Variants in BLNK observed in about 807,000 individuals in gnomAD.
The protein encoded by BLNK is B-cell linker protein.
In BLNK, 29 loss-of-function variants were observed where a neutral mutation model predicts 73.5. That is an observed-to-expected ratio of 0.39 (90% CI 0.29 to 0.54). BLNK has a LOEUF of 0.54. BLNK is among the 20% of genes least tolerant of loss of function. The probability of loss-of-function intolerance (pLI) is 0.61; values close to 1 mark genes in which losing one functional copy is unlikely to be tolerated. For synonymous variants in BLNK, 176 were observed against 200.8 expected (o/e 0.88, Z 1.04); for missense variants, 460 against 562.8 (o/e 0.82, Z 1.85).
chr10:96,237,444 C>T (rs964369465), intron 3 of BLNK, among the ~76,000 whole-genome samples: 1 of 152,178 alleles, frequency 6.6e-6, no homozygotes, highest in Non-Finnish European at 1.5e-5. Flanking sequence ...AGGAGTCACA[C>T]GTGGACCTCC....
chr10:96,242,993 G>A (rs1842926647), intron 2 of BLNK, among the ~76,000 whole-genome samples: 1 of 152,204 alleles, frequency 6.6e-6, no homozygotes, highest in South Asian at 2.1e-4. Context: ...CCCAGTGCAT[G>A]CACAATGTGG....
At chr10:96,199,896 C>T in intron 15 of BLNK, 179 bp downstream of exon 15, 1 of 328,676 alleles carries the variant, frequency 3.0e-6, no homozygotes, top group Non-Finnish European at 5.4e-6. Flanking sequence ...TGGGGGCACA[C>T]ACATGTAATC....
In BLNK at chr10:96,192,024, C is replaced by A. The variant is rs781802342; in HGVS notation, c.1320G>T (p.Gln440His). 6 of 1,613,488 alleles carry A rather than the reference C, an allele frequency of 3.7e-6. No homozygotes were observed. The highest frequency in any genetic ancestry group is 3.4e-6 in the Non-Finnish European group (4 of 1,179,758). The stretch of plus-strand genomic sequence containing the variant: ...GTCTGGTGGAATCTTTTGTGTTATT[C>A]TGACTGTCAATAAGAACCAAAGGAC... ...QHSPLVLIDS[Q>H]NNTKDSTRLK... The change falls in exon 17 of 17, where the codon CAG becomes CAT. Residue 440 changes from glutamine (Q) to histidine (H), a missense_variant. Coordinates refer to ENST00000224337, the MANE Select transcript of BLNK (RefSeq NM_013314.4).
intron 9 of BLNK, among the ~76,000 whole-genome samples, chr10:96,208,814 T>C (rs934968346): frequency 4.6e-5 from 7 of 152,178 alleles, no homozygotes; most frequent in African/African-American, 1.2e-4. Context: ...TACAGTGACA[T>C]TTTAAGGTGA....
At chr10:96,226,703 T>C (rs1013207441) in intron 5 of BLNK, among the ~76,000 whole-genome samples, 2 of 151,962 alleles carry the variant, frequency 1.3e-5, no homozygotes, top group African/African-American at 4.8e-5. Context: ...TAGCCAGGCG[T>C]GGTGGTGGGT....
intron 3 of BLNK, among the ~76,000 whole-genome samples, chr10:96,242,185 A>C (rs1554906418): frequency 6.6e-6 from 1 of 152,208 alleles, no homozygotes; most frequent in African/African-American, 2.4e-5. Context: ...GCAGTGAATA[A>C]GTCTCACAAA....
intron 6 of BLNK, among the ~76,000 whole-genome samples, chr10:96,222,795 C>T (rs2084228070): frequency 2.0e-5 from 3 of 151,864 alleles, no homozygotes; most frequent in Non-Finnish European, 4.4e-5. Context: ...AGTGGAGGAG[C>T]AGAGAGAAAA....
chr10:96,268,628 GT>G (rs1459878570), intron 1 of BLNK, among the ~76,000 whole-genome samples: 1 of 152,144 alleles, frequency 6.6e-6, no homozygotes, highest in East Asian at 1.9e-4. Context: ...TCCCCACTGG[GT>G]TCATCCAGAA....
At chr10:96,196,112 T>C (rs2083458944) in intron 16 of BLNK, among the ~76,000 whole-genome samples, 1 of 152,260 alleles carries the variant, frequency 6.6e-6, no homozygotes, top group South Asian at 2.1e-4. Context: ...TCTGAAGGAA[T>C]CTTGAAAGTA....
intron 3 of BLNK, chr10:96,239,195 A>G: frequency 5.0e-6 from 2 of 398,684 alleles, no homozygotes; most frequent in Non-Finnish European, 8.8e-6. Context: ...ACTTCAGAGC[A>G]TCAGGGATAT....
chr10:96,252,421 A>G (rs908207413), intron 1 of BLNK, among the ~76,000 whole-genome samples: 2 of 152,206 alleles, frequency 1.3e-5, no homozygotes, highest in Non-Finnish European at 2.9e-5. Flanking sequence ...GTGCATGTCT[A>G]TGATAGATCA....
At chr10:96,204,234 G>A in intron 12 of BLNK, 146 bp from the exon 13 acceptor site, 1 of 922,486 alleles carries the variant, frequency 1.1e-6, no homozygotes, top group South Asian at 1.5e-5. Flanking sequence ...AGATAAAAGA[G>A]CCACCAAAAC....
chr10:96,227,667 C>G, intron 4 of BLNK, 101 bp from the exon 5 acceptor site: 1 of 1,575,536 alleles, frequency 6.3e-7, no homozygotes. Flanking sequence ...TGACAGGAGA[C>G]AAGGCTTGGA....
intron 5 of BLNK, among the ~76,000 whole-genome samples, chr10:96,226,305 G>A (rs1490619599): frequency 1.3e-5 from 2 of 152,222 alleles, no homozygotes; most frequent in Non-Finnish European, 2.9e-5. Flanking sequence ...CATGGCAGGT[G>A]CTCAAAAGAT....
chr10:96,218,634 C>T (rs1457617081), intron 6 of BLNK, among the ~76,000 whole-genome samples: 1 of 148,818 alleles, frequency 6.7e-6, no homozygotes, highest in South Asian at 2.1e-4. Flanking sequence ...GCTGAGGCTG[C>T]AGTGAGTTGT....
At chr10:96,197,411 C>G (rs1554894964) in intron 15 of BLNK, among the ~76,000 whole-genome samples, 1 of 152,132 alleles carries the variant, frequency 6.6e-6, no homozygotes, top group East Asian at 1.9e-4. Flanking sequence ...TTCAAGCGAT[C>G]CTCCCACCTC....
At chr10:96,209,195 C>T (rs1229684232) in intron 9 of BLNK, among the ~76,000 whole-genome samples, 1 of 152,114 alleles carries the variant, frequency 6.6e-6, no homozygotes, top group Non-Finnish European at 1.5e-5. Context: ...TAGTATATAT[C>T]TACACACTTA....
At chr10:96,204,251 G>C (rs1244587170) in intron 12 of BLNK, 163 bp from the exon 13 acceptor site, 1 of 814,554 alleles carries the variant, frequency 1.2e-6, no homozygotes, top group Non-Finnish European at 2.0e-6. Context: ...AAACCTTAAA[G>C]ATAAGTAAGA....
chr10:96,191,965 T>C lies in BLNK; in HGVS notation c.*8A>G, dbSNP rs949259126. Reference sequence around the variant, plus strand: ...TGAAGCAATGGTATTGATCTTTTTTTTCCCCCTTTATGAAACTTTAACTGC... The same window carrying C: ...TGAAGCAATGGTATTGATCTTTTTTCTCCCCCTTTATGAAACTTTAACTGC... On this transcript the variant is annotated 3_prime_UTR_variant, in exon 17 of 17. Coordinates refer to ENST00000224337, the MANE Select transcript of BLNK (RefSeq NM_013314.4). 7 of 1,613,642 alleles carry C rather than the reference T, an allele frequency of 4.3e-6. No individual in the cohort carries two copies. Among genetic ancestry groups the C allele is most frequent in the Non-Finnish European group, 5.1e-6 (6 of 1,179,676 alleles).
Sources: allele counts gnomAD v4.1 joint callset (sites outside exome capture counted in the v4.1 genomes callset), GRCh38; gene constraint gnomAD v4.1.1; transcripts MANE v1.5; gene names NCBI Gene and HGNC (gene_info 2026-07-23, HGNC 2026-07-21).